Variants in THAP4 observed in about 807,000 individuals in gnomAD.
THAP4 encodes THAP domain containing 4.
Under a neutral mutation model 48.1 loss-of-function variants are expected in THAP4, and 18 were observed. The ratio of observed to expected loss-of-function variants is 0.37; its 90% CI spans 0.26 to 0.56. The LOEUF (loss-of-function observed/expected upper bound fraction) is 0.56. Ranked by LOEUF, THAP4 falls within the 20% of genes least tolerant of loss-of-function variation. THAP4 has a pLI of 0.78. For synonymous variants in THAP4, 345 were observed against 324.9 expected, an observed-to-expected ratio of 1.06 and a Z score of -0.66; for missense variants, 656 against 774.9, an observed-to-expected ratio of 0.85 and a Z score of 1.82.
At chr2:241,596,925 C>G (rs542051101) in intron 5 of THAP4, among the ~76,000 whole-genome samples, 2 of 151,898 alleles carry the variant, frequency 1.3e-5, no homozygotes, top group Non-Finnish European at 2.9e-5. Flanking sequence ...ATGTGAAGGT[C>G]TAGGACATGA....
At chr2:241,615,101 G>A (rs902612941) in intron 2 of THAP4, among the ~76,000 whole-genome samples, 2 of 152,254 alleles carry the variant, frequency 1.3e-5, no homozygotes, top group East Asian at 3.9e-4. Context: ...CGAAAAGAAA[G>A]AAGCCAGACA....
chr2:241,620,425 G>C (rs111162965), intron 2 of THAP4, among the ~76,000 whole-genome samples: 26,002 of 99,848 alleles, frequency 0.26, 4,589 homozygotes, highest in South Asian at 0.38. Flanking sequence ...GTGAGTGAGG[G>C]GTGAGGGGTG....
chr2:241,595,275 A>G (rs1055176308), intron 5 of THAP4, among the ~76,000 whole-genome samples: 4 of 152,124 alleles, frequency 2.6e-5, no homozygotes, highest in African/African-American at 9.7e-5. Context: ...TTGGCCTCCT[A>G]CAGAGCTGGG....
intron 5 of THAP4, among the ~76,000 whole-genome samples, chr2:241,600,546 C>T (rs780688448): frequency 1.3e-5 from 2 of 151,502 alleles, no homozygotes; most frequent in Non-Finnish European, 2.9e-5. Context: ...GCTAACACAG[C>T]GAAACCCCGT....
intron 2 of THAP4, among the ~76,000 whole-genome samples, chr2:241,611,265 C>G (rs894948944): frequency 6.6e-6 from 1 of 152,116 alleles, no homozygotes; most frequent in African/African-American, 2.4e-5. Flanking sequence ...TCTTCTGGCC[C>G]CCGCTCTGCC....
chr2:241,599,727 T>G (rs2067090146), intron 5 of THAP4, among the ~76,000 whole-genome samples: 1 of 152,192 alleles, frequency 6.6e-6, no homozygotes, highest in South Asian at 2.1e-4. Context: ...TTCAATGCAG[T>G]CTTGATGTAC....
At position 241,584,691 on chromosome 2, in the gene THAP4, T is replaced by C; in HGVS notation, c.1649A>G (p.Lys550Arg). Residue 550 changes from lysine to arginine, a missense_variant, in exon 6 of 6, where the codon AAA (lysine) becomes AGA (arginine). Lys to Arg is a conservative substitution (Grantham distance 26, BLOSUM62 2). Transcript: ENST00000407315. ...TRKFRLNSEG[K>R]LEQTVSMATT... is the part of the protein sequence containing the mutation. ...TGCCATGGAGACCGTCTGCTCAAGT[T>C]TGCCTTCAGAATTCAGCCTGAACTT... 6.2e-7 allele frequency: 1 copy of C among 1,614,212 alleles called. No homozygotes were observed. Among genetic ancestry groups the C allele is most frequent in the Non-Finnish European group, 8.5e-7 (1 of 1,180,038 alleles).
intron 2 of THAP4, among the ~76,000 whole-genome samples, chr2:241,620,477 TGGTGAGTGAGGAGTGAGTGAGG>T (rs2067415401): frequency 6.1e-5 from 3 of 49,342 alleles, no homozygotes; most frequent in Non-Finnish European, 1.1e-4. Context: ...GTGAGTGAGT[TGGTGAGTGAGGAGTGAGTGAGG>T]GGTGAGTGAG....
At chr2:241,587,733 C>T (rs1005945968) in intron 5 of THAP4, among the ~76,000 whole-genome samples, 1 of 151,654 alleles carries the variant, frequency 6.6e-6, no homozygotes, top group Admixed American at 6.6e-5. Context: ...CTCTAAATAA[C>T]CCTGTTCAAA....
At position 241,633,338 on chromosome 2, in the gene THAP4, G is replaced by C; in HGVS notation, c.819C>G (p.Ser273Arg). 3.7e-6 allele frequency: 6 copies of C among 1,612,676 alleles called. No individual in the cohort carries two copies. Among genetic ancestry groups the C allele is most frequent in the Non-Finnish European group, 5.1e-6 (6 of 1,180,010 alleles). Reference sequence around the variant, plus strand: ...GGGCCAGGCCCTTGTCGGGTCCCAGGCTGCTCCCACTGCAGCTTGGTTCCA... The same window carrying C: ...GGGCCAGGCCCTTGTCGGGTCCCAGCCTGCTCCCACTGCAGCTTGGTTCCA... ...KDVEPSCSGS[S>R]LGPDKGLAQS... Residue 273 changes from serine (S) to arginine (R), a missense_variant, in exon 2 of 6, where the codon AGC becomes AGG. Coordinates refer to ENST00000407315, the MANE Select transcript of THAP4 (RefSeq NM_015963.6). The surrounding 1 kb of genome is among the most constrained non-coding windows in gnomAD (Gnocchi z 7.5).
At chr2:241,599,014 A>G (rs182478714) in intron 5 of THAP4, among the ~76,000 whole-genome samples, 22 of 152,218 alleles carry the variant, frequency 1.4e-4, no homozygotes, top group South Asian at 8.3e-4. Context: ...CACTTTAGGA[A>G]GCTGAGCCGG....
rs867694617 is a variant in THAP4, at chr2:241,610,226, C to T, written c.1241-3753G>A. Among the ~76,000 whole-genome samples the T allele has an allele frequency of 1.4e-4, 22 of 152,326 alleles. No individual in the cohort carries two copies. Among genetic ancestry groups the T allele is most frequent in the African/African-American group, 5.0e-4 (21 of 41,592 alleles). On this transcript the variant is annotated intron_variant, in intron 2 of 5. Coordinates refer to ENST00000407315, the MANE Select transcript of THAP4 (RefSeq NM_015963.6). The surrounding 1 kb of genome is among the most constrained non-coding windows in gnomAD (Gnocchi z 4.2). ...CCCGGGCTAGGGTGAGGGGCACGCGCCGCAAGTCCTGCCTCTGCTCCCGGG... is the reference window on the plus strand; with the variant it reads ...CCCGGGCTAGGGTGAGGGGCACGCGTCGCAAGTCCTGCCTCTGCTCCCGGG...
At chr2:241,632,374 A>G (rs928467607) in intron 2 of THAP4, among the ~76,000 whole-genome samples, 12 of 152,150 alleles carry the variant, frequency 7.9e-5, no homozygotes, top group African/African-American at 2.4e-4. Context: ...TACTGGGATT[A>G]CAGGTGTGAG....
chr2:241,600,073 G>A (rs1401606999), intron 5 of THAP4, among the ~76,000 whole-genome samples: 1 of 152,176 alleles, frequency 6.6e-6, no homozygotes, highest in African/African-American at 2.4e-5. Flanking sequence ...GCACATGCCT[G>A]TAATCCCAGC....
intron 1 of THAP4, 24 bp downstream of exon 1, chr2:241,636,917 C>T (rs2067675020): frequency 8.2e-7 from 1 of 1,214,624 alleles, no homozygotes; most frequent in South Asian, 1.5e-5. Context: ...GGGGCGGGGG[C>T]GTGGCGGCCC....
chr2:241,620,108 G>C (rs1432460510), intron 2 of THAP4, among the ~76,000 whole-genome samples: 1 of 107,162 alleles, frequency 9.3e-6, no homozygotes, highest in East Asian at 3.5e-4. Flanking sequence ...CGGTGAGTGA[G>C]GGGTGAGGGG....
At chr2:241,623,219 T>C (rs2067456140) in intron 2 of THAP4, among the ~76,000 whole-genome samples, 1 of 151,088 alleles carries the variant, frequency 6.6e-6, no homozygotes, top group Non-Finnish European at 1.5e-5. Context: ...CTGTCAAAAA[T>C]AATAATAATA....
chr2:241,616,187 G>C lies in THAP4; in HGVS notation c.1241-9714C>G, dbSNP rs2067344037. Among the ~76,000 whole-genome samples, 1 of 152,222 alleles carries C rather than the reference G, an allele frequency of 6.6e-6. No homozygotes were observed. The highest frequency in any genetic ancestry group is 2.1e-4 in the South Asian group (1 of 4,834). On this transcript the variant is annotated intron_variant, in intron 2 of 5. Coordinates refer to ENST00000407315, the MANE Select transcript of THAP4 (RefSeq NM_015963.6). The surrounding 1 kb of genome is among the most constrained non-coding windows in gnomAD (Gnocchi z 4.6). Reference sequence around the variant, plus strand: ...GGATGGGCCAGAACCTTTTACGTAGGAGGGACGTGGCCCGGGCTTTCTGCC... The same window carrying C: ...GGATGGGCCAGAACCTTTTACGTAGCAGGGACGTGGCCCGGGCTTTCTGCC...
intron 2 of THAP4, among the ~76,000 whole-genome samples, chr2:241,624,332 A>G (rs2067469578): frequency 6.6e-6 from 1 of 152,050 alleles, no homozygotes; most frequent in Non-Finnish European, 1.5e-5. Context: ...CTAAAAATAC[A>G]AAAAATTAGC....
Sources: allele counts gnomAD v4.1 joint callset (sites outside exome capture counted in the v4.1 genomes callset), GRCh38; gene constraint gnomAD v4.1.1; non-coding constraint Gnocchi (gnomAD v3.1); transcripts MANE v1.5; gene names NCBI Gene and HGNC (gene_info 2026-07-23, HGNC 2026-07-21).